Variants in WASF2 observed in about 807,000 individuals in gnomAD.
The protein encoded by WASF2 is WASP family member 2, also known as actin-binding protein WASF2.
Under a neutral mutation model 45.0 loss-of-function variants are expected in WASF2, and 14 were observed. That is an observed-to-expected ratio of 0.31 (90% CI 0.21 to 0.49). The LOEUF (loss-of-function observed/expected upper bound fraction) is 0.49. Among genes scored for constraint, WASF2 ranks in the 20% least tolerant of loss-of-function variants. WASF2 has a pLI of 0.99. For missense variants in WASF2, 439 were observed against 636.1 expected (o/e 0.69, Z 3.33); for synonymous variants, 200 against 236.3 (o/e 0.85, Z 1.41).
chr1:27,461,761 A>T (rs1457781007), intron 1 of WASF2, among the ~76,000 whole-genome samples: 3 of 151,946 alleles, frequency 2.0e-5, no homozygotes, highest in Admixed American at 6.6e-5. Context: ...GGCGTGAGCC[A>T]CCGCGCCTGG....
At position 27,416,120 on chromosome 1, in the gene WASF2, A is replaced by T; in HGVS notation, c.420-18T>A. 3 of 1,605,974 alleles carry T rather than the reference A, an allele frequency of 1.9e-6. No individual in the cohort carries two copies. The highest frequency in any genetic ancestry group is 2.6e-6 in the Non-Finnish European group (3 of 1,172,634). On this transcript the variant is annotated intron_variant, in intron 4 of 8. Transcript: ENST00000618852. ...CATCGTCCCTGGGATAGAAATGAAG[A>T]CAAGTAGCTGTCAGTAGACAGATGA...
chr1:27,415,369 CA>C (rs1395528414), intron 5 of WASF2, among the ~76,000 whole-genome samples: 1 of 152,068 alleles, frequency 6.6e-6, no homozygotes, highest in Non-Finnish European at 1.5e-5. Context: ...TTAAACAAAA[CA>C]AAACAAAACA....
In WASF2 at chr1:27,414,994, T is replaced by C. The variant is rs749693169; in HGVS notation, c.538-31A>G. 1 of 1,608,558 alleles carries C rather than the reference T, an allele frequency of 6.2e-7. No homozygotes were observed. The highest frequency in any genetic ancestry group is 8.5e-7 in the Non-Finnish European group (1 of 1,177,102). On this transcript the variant is annotated intron_variant, in intron 5 of 8. Transcript: ENST00000618852. The surrounding 1 kb of genome is among the most constrained non-coding windows in gnomAD (Gnocchi z 4.1). ...ATGAAAAGGAACAGGAAGGTCTTTG[T>C]AGAACATTTTCCAAGTTCTTCATTA... is the stretch of plus-strand genomic sequence containing the variant.
At chr1:27,469,700 G>A (rs1003147849) in intron 1 of WASF2, among the ~76,000 whole-genome samples, 4 of 152,102 alleles carry the variant, frequency 2.6e-5, no homozygotes, top group African/African-American at 9.7e-5. Flanking sequence ...CCAGCACTTC[G>A]GGAGGCCAAG....
chr1:27,404,626 T>C lies in WASF2; in HGVS notation c.*3563A>G, dbSNP rs555110176. The C allele has an allele frequency of 1.3e-5, 2 of 152,340 alleles. No homozygotes were observed. Among genetic ancestry groups the C allele is most frequent in the Non-Finnish European group, 2.9e-5 (2 of 68,040 alleles). 9.4% of individuals were successfully genotyped at this position (152,340 alleles called of 1,614,324 possible). The stretch of plus-strand genomic sequence containing the variant: ...CCAAGAACCCACAGGAATATGTCCT[T>C]ATAAATATGTTTGTATCAGAGAAAA... On this transcript the variant is annotated 3_prime_UTR_variant, in exon 9 of 9. Transcript: ENST00000618852.
At chr1:27,415,438 G>A (rs1002450432) in intron 5 of WASF2, among the ~76,000 whole-genome samples, 8 of 152,146 alleles carry the variant, frequency 5.3e-5, no homozygotes, top group Non-Finnish European at 8.8e-5. Context: ...GCACTCTCTT[G>A]GGCCTCCTGG....
At position 27,412,443 on chromosome 1, in the gene WASF2, C is replaced by T; in HGVS notation, c.824+129G>A. On this transcript the variant is annotated intron_variant, in intron 7 of 8. Coordinates refer to ENST00000618852, the MANE Select transcript of WASF2 (RefSeq NM_006990.5). ...GACTGGTCTTGAACTTTTGGCCTCA[C>T]GAGATCCTCCCACCACCTTGGCCTC... 7.0e-6 allele frequency: 9 copies of T among 1,287,474 alleles called. 1 individual carries two copies. The highest frequency in any genetic ancestry group is 4.2e-5 in the South Asian group (3 of 71,694). The allele number at this position is 1,287,474 out of a possible 1,614,324, so 79.8% of individuals were successfully genotyped here.
intron 1 of WASF2, among the ~76,000 whole-genome samples, chr1:27,429,613 T>C (rs2017033775): frequency 6.6e-6 from 1 of 151,852 alleles, no homozygotes; most frequent in Non-Finnish European, 1.5e-5. Flanking sequence ...CTGTCTTTAG[T>C]AAAAATACAA....
At chr1:27,445,752 T>C (rs952465108) in intron 1 of WASF2, among the ~76,000 whole-genome samples, 13 of 152,144 alleles carry the variant, frequency 8.5e-5, no homozygotes, top group African/African-American at 3.1e-4. Context: ...TTCCAACACT[T>C]CTGACGGGTT....
Position 27,414,135 on chromosome 1 carries a change from C to A in WASF2, c.668+698G>T, listed in dbSNP as rs761976575. Among the ~76,000 whole-genome samples, 1 of 152,232 alleles carries A rather than the reference C, an allele frequency of 6.6e-6. No homozygotes were observed. The highest frequency in any genetic ancestry group is 2.4e-5 in the African/African-American group (1 of 41,444). ...AAACCAGGGCGACATTCATGCCAAG[C>A]AGTCATGGTGACTTGGCTTTGAATG... On this transcript the variant is annotated intron_variant, in intron 6 of 8. Coordinates refer to ENST00000618852, the MANE Select transcript of WASF2 (RefSeq NM_006990.5). This position sits in a 1 kb window ranked among gnomAD's most constrained non-coding sequence, Gnocchi z 4.1.
At chr1:27,419,201 C>T in intron 2 of WASF2, 113 bp from the exon 3 acceptor site, 1 of 1,184,778 alleles carries the variant, frequency 8.4e-7, no homozygotes, top group Non-Finnish European at 1.2e-6. Context: ...CATATACACA[C>T]ACATACCCTA....
At chr1:27,460,126 C>T in intron 1 of WASF2, among the ~76,000 whole-genome samples, 1 of 152,164 alleles carries the variant, frequency 6.6e-6, no homozygotes, top group East Asian at 1.9e-4. Flanking sequence ...AGTAATATTT[C>T]TCTGCCAGTC....
chr1:27,443,803 G>C (rs1430983814), intron 1 of WASF2, among the ~76,000 whole-genome samples: 1 of 151,690 alleles, frequency 6.6e-6, no homozygotes, highest in Non-Finnish European at 1.5e-5. Flanking sequence ...TTTAGAGACA[G>C]AGTTTTGCTC....
intron 1 of WASF2, among the ~76,000 whole-genome samples, chr1:27,481,701 G>A (rs2017851988): frequency 2.0e-5 from 3 of 151,750 alleles, no homozygotes; most frequent in African/African-American, 7.3e-5. Flanking sequence ...TCCAGCCTGG[G>A]CGACAGAGCA....
chr1:27,416,238 C>T, intron 4 of WASF2, 136 bp from the exon 5 acceptor site: 1 of 716,420 alleles, frequency 1.4e-6, no homozygotes, highest in South Asian at 1.6e-5. Context: ...TGCATACCTC[C>T]TCTCCCATAC....
At chr1:27,454,389 G>T (rs1206171855) in intron 1 of WASF2, among the ~76,000 whole-genome samples, 2 of 147,166 alleles carry the variant, frequency 1.4e-5, no homozygotes, top group Non-Finnish European at 3.0e-5. Context: ...TTTTCCTGTT[G>T]TTCACGGTGA....
chr1:27,408,758 G>C (rs2016714107), intron 8 of WASF2, among the ~76,000 whole-genome samples: 1 of 151,744 alleles, frequency 6.6e-6, no homozygotes, highest in Non-Finnish European at 1.5e-5. Context: ...AACACCTTGG[G>C]ACCAGACCTG....
intron 1 of WASF2, among the ~76,000 whole-genome samples, chr1:27,489,250 GCGCACA>G (rs1292636633): frequency 0.011 from 1,265 of 111,664 alleles, 57 homozygotes; most frequent in African/African-American, 0.043. Flanking sequence ...TCCTGTACGC[GCGCACA>G]CACACACACA....
At chr1:27,458,308 TAAAAAAAA>T (rs71010355) in intron 1 of WASF2, among the ~76,000 whole-genome samples, 1 of 29,406 alleles carries the variant, frequency 3.4e-5, no homozygotes, top group African/African-American at 1.1e-4. Flanking sequence ...GCGAGATTCT[TAAAAAAAA>T]AAAAAAAAAA....
Sources: gnomAD v4.1 joint callset for allele counts (sites outside exome capture counted in the v4.1 genomes callset) on GRCh38, gnomAD v4.1.1 for gene constraint, Gnocchi (gnomAD v3.1) non-coding constraint, MANE v1.5 for transcripts, NCBI Gene and HGNC (gene_info 2026-07-23, HGNC 2026-07-21) for gene names.